Variants in TMEM132C observed in about 807,000 individuals in gnomAD.
TMEM132C encodes transmembrane protein 132C.
A neutral mutation model predicts 61.4 loss-of-function variants in TMEM132C; 29 were observed. That is an observed-to-expected ratio of 0.47 (90% CI 0.35 to 0.64). The LOEUF (loss-of-function observed/expected upper bound fraction) is 0.64, where lower values mean the gene tolerates loss of function less well. Among genes scored for constraint, TMEM132C ranks in the 30% least tolerant of loss-of-function variants. The pLI, the probability that TMEM132C is intolerant of heterozygous loss-of-function variation, is 0.00. For missense variants in TMEM132C, 1,408 were observed against 1,476.9 expected, an observed-to-expected ratio of 0.95 and a Z score of 0.76; for synonymous variants, 656 against 633.1, an observed-to-expected ratio of 1.04 and a Z score of -0.54.
intron 3 of TMEM132C, among the ~76,000 whole-genome samples, chr12:128,601,823 G>A (rs1593115774): frequency 6.6e-6 from 1 of 152,176 alleles, no homozygotes; most frequent in Non-Finnish European, 1.5e-5. Flanking sequence ...ATCAGGATTT[G>A]GGAGGTAAAA....
intron 4 of TMEM132C, among the ~76,000 whole-genome samples, chr12:128,665,756 TGTACTCATAAGCACACAGGCACTCAC>T (rs1954457398): frequency 8.9e-6 from 1 of 112,694 alleles, no homozygotes; most frequent in African/African-American, 3.8e-5. Flanking sequence ...CCCAGGCACA[TGTACTCATAAGCACACAGGCACTCAC>T]ACACACAGGC....
intron 3 of TMEM132C, among the ~76,000 whole-genome samples, chr12:128,588,673 G>A (rs932237466): frequency 1.9e-4 from 29 of 152,038 alleles, no homozygotes. Flanking sequence ...AAGCCTTCAG[G>A]GATGCGATTC....
intron 3 of TMEM132C, among the ~76,000 whole-genome samples, chr12:128,589,779 C>G (rs1047877070): frequency 6.6e-6 from 1 of 151,988 alleles, no homozygotes; most frequent in Non-Finnish European, 1.5e-5. Flanking sequence ...CCCCTCTTAT[C>G]AGCAGTGCAG....
rs142238025 is a variant in TMEM132C at position 128,381,718 on chromosome 12, A to C, written c.86-33014A>C. On this transcript the variant is annotated intron_variant, in intron 1 of 8. Transcript: ENST00000435159. ...CAGCTGGGAGGCTGGCCGGGGTTTA[A>C]TACCCTCCACAAAGAGCAGCTTTGA... is the stretch of plus-strand genomic sequence containing the variant. Among the ~76,000 whole-genome samples the C allele has an allele frequency of 7.8e-3, 1,195 of 152,258 alleles. 8 individuals carry two copies. Among genetic ancestry groups the C allele is most frequent in the Non-Finnish European group, 0.013 (858 of 68,026 alleles).
At chr12:128,518,025 G>A (rs906495742) in intron 2 of TMEM132C, among the ~76,000 whole-genome samples, 2 of 152,188 alleles carry the variant, frequency 1.3e-5, no homozygotes, top group Non-Finnish European at 2.9e-5. Context: ...TTGAAATTCA[G>A]GTATAGCAGA....
At chr12:128,654,874 G>A (rs1363045132) in intron 4 of TMEM132C, among the ~76,000 whole-genome samples, 2 of 152,210 alleles carry the variant, frequency 1.3e-5, no homozygotes, top group African/African-American at 2.4e-5. Context: ...GTGTATTGAT[G>A]AAGAAAGTCT....
intron 2 of TMEM132C, among the ~76,000 whole-genome samples, chr12:128,416,098 A>C (rs1868773510): frequency 6.6e-6 from 1 of 152,198 alleles, no homozygotes; most frequent in African/African-American, 2.4e-5. Flanking sequence ...AAAGATTGCC[A>C]GTTAGTGTCT....
chr12:128,333,950 TTGTG>T (rs1311862080), intron 1 of TMEM132C, among the ~76,000 whole-genome samples: 3 of 151,276 alleles, frequency 2.0e-5, no homozygotes, highest in African/African-American at 4.9e-5. Context: ...GTGTGTGGTG[TTGTG>T]TGTAAGTGTG....
chr12:128,386,416 G>A (rs1276326811), intron 1 of TMEM132C, among the ~76,000 whole-genome samples: 2 of 152,178 alleles, frequency 1.3e-5, no homozygotes, highest in Non-Finnish European at 2.9e-5. Context: ...GGCTGTCCCT[G>A]CAGAAACTTC....
Position 128,706,952 on chromosome 12 carries a change from T to C in TMEM132C, c.*657T>C, listed in dbSNP as rs1954845972. ...GTTTATTTCTGAGAATCAAGCAGTATATTTTTCCTAAATGAAACATAAATT... is the reference window on the plus strand; with the variant it reads ...GTTTATTTCTGAGAATCAAGCAGTACATTTTTCCTAAATGAAACATAAATT... On this transcript the variant is annotated 3_prime_UTR_variant, in exon 9 of 9. Coordinates refer to ENST00000435159, the MANE Select transcript of TMEM132C (RefSeq NM_001136103.3). 6.6e-6 allele frequency: 1 copy of C among 152,268 alleles called. No individual in the cohort carries two copies. The highest frequency in any genetic ancestry group is 2.1e-4 in the South Asian group (1 of 4,832). The allele number at this position is 152,268 out of a possible 1,614,324, so 9.4% of individuals were successfully genotyped here.
intron 1 of TMEM132C, among the ~76,000 whole-genome samples, chr12:128,369,902 A>T (rs913848186): frequency 6.6e-6 from 1 of 152,226 alleles, no homozygotes; most frequent in Non-Finnish European, 1.5e-5. Flanking sequence ...TATATGCATC[A>T]TGATATATCT....
In TMEM132C at chr12:128,562,494, A is replaced by G. The variant is rs148840699; in HGVS notation, c.1121+18391A>G. On this transcript the variant is annotated intron_variant, in intron 3 of 8. Transcript: ENST00000435159. The stretch of plus-strand genomic sequence containing the variant: ...TTATTCCCTGCTTGTTCCATCTCCA[A>G]TGCAGTATTTTCTCACCAGGGGTGT... Among the ~76,000 whole-genome samples, 5 of 152,246 alleles carry G rather than the reference A, an allele frequency of 3.3e-5. No individual in the cohort carries two copies. The South Asian group carries it at 1.0e-3, about 32-fold the overall frequency.
chr12:128,447,001 C>T (rs1870002449), intron 2 of TMEM132C, among the ~76,000 whole-genome samples: 1 of 152,108 alleles, frequency 6.6e-6, no homozygotes, highest in African/African-American at 2.4e-5. Flanking sequence ...CAAGCAACAG[C>T]AATTGGTACA....
chr12:128,604,417 A>ATAGAT (rs1346533182), intron 3 of TMEM132C, among the ~76,000 whole-genome samples: 2 of 147,880 alleles, frequency 1.4e-5, no homozygotes, highest in Non-Finnish European at 3.0e-5. Flanking sequence ...AGATAGATAG[A>ATAGAT]TAGATAGATA....
At chr12:128,583,324 C>A (rs917741401) in intron 3 of TMEM132C, among the ~76,000 whole-genome samples, 2 of 150,418 alleles carry the variant, frequency 1.3e-5, no homozygotes, top group East Asian at 3.9e-4. Flanking sequence ...AATGCAAAGG[C>A]ATGCAATGCA....
intron 2 of TMEM132C, among the ~76,000 whole-genome samples, chr12:128,499,595 G>A (rs763365700): frequency 1.3e-5 from 2 of 152,078 alleles, no homozygotes; most frequent in Middle Eastern, 3.2e-3. Flanking sequence ...CTCTGTCTCT[G>A]TAAGTTCATT....
At chr12:128,503,812 C>T (rs1396641207) in intron 2 of TMEM132C, among the ~76,000 whole-genome samples, 1 of 152,218 alleles carries the variant, frequency 6.6e-6, no homozygotes, top group Non-Finnish European at 1.5e-5. Context: ...ACTGTCAACC[C>T]TCAGTGTGGT....
intron 1 of TMEM132C, among the ~76,000 whole-genome samples, chr12:128,389,930 G>A (rs942672237): frequency 6.6e-6 from 1 of 152,190 alleles, no homozygotes. Context: ...CCATGCTGAC[G>A]TGCAGTGGCG....
chr12:128,645,453 G>A (rs888386771), intron 4 of TMEM132C, among the ~76,000 whole-genome samples: 10 of 152,136 alleles, frequency 6.6e-5, no homozygotes, highest in African/African-American at 2.4e-4. Flanking sequence ...TGGGGCACCC[G>A]AGATCCTTCC....
Sources: gnomAD v4.1 joint callset for allele counts (sites outside exome capture counted in the v4.1 genomes callset) on GRCh38, gnomAD v4.1.1 for gene constraint, MANE v1.5 for transcripts, NCBI Gene and HGNC (gene_info 2026-07-23, HGNC 2026-07-21) for gene names.